PRKG1: variants seen among roughly 807,000 people sequenced by gnomAD.
The protein encoded by PRKG1 is cGMP-dependent protein kinase 1.
A neutral mutation model predicts 88.1 loss-of-function variants in PRKG1; 35 were observed. The ratio of observed to expected loss-of-function variants is 0.40; its 90% CI spans 0.30 to 0.53. PRKG1 has a LOEUF of 0.53. PRKG1 is among the 20% of genes least tolerant of loss of function. The probability of loss-of-function intolerance (pLI) is 0.59; values close to 1 mark genes in which losing one functional copy is unlikely to be tolerated. For missense variants in PRKG1, 540 were observed against 839.8 expected (o/e 0.64, Z 4.41); for synonymous variants, 303 against 292.5 (o/e 1.04, Z -0.37).
intron 7 of PRKG1, among the ~76,000 whole-genome samples, chr10:52,122,032 G>A (rs1057439231): frequency 7.9e-5 from 12 of 152,128 alleles, no homozygotes; most frequent in African/African-American, 2.7e-4. Context: ...CAGAATACCC[G>A]AAGTTGGGGA....
intron 14 of PRKG1, among the ~76,000 whole-genome samples, chr10:52,283,915 T>C (rs1040038340): frequency 2.0e-5 from 3 of 152,150 alleles, no homozygotes; most frequent in South Asian, 4.1e-4. Context: ...TATTCACCTA[T>C]AATAACTAGA....
At position 50,991,327 on chromosome 10, in the gene PRKG1, C is replaced by CTG. The variant is rs1842779219; in HGVS notation, c.-52_-51insTG. The CTG allele has an allele frequency of 2.0e-6, 3 of 1,488,154 alleles. No homozygotes were observed. The highest frequency in any genetic ancestry group is 2.8e-5 in the East Asian group (1 of 35,722). The allele number at this position is 1,488,154 out of a possible 1,614,324, so 92.2% of individuals were successfully genotyped here. ...GCCGTCCCAGCCGCCGCCGCCGCCG[C>CTG]CGCCGCCGCCGCCGCCCGAGAAAAA... On this transcript the variant is annotated 5_prime_UTR_variant, in exon 1 of 18. Transcript: ENST00000401604. This position sits in a 1 kb window ranked among gnomAD's most constrained non-coding sequence, Gnocchi z 4.5.
In PRKG1 at chr10:51,574,823, CACCTGGGGGGA is replaced by C. The variant is rs1837843781; in HGVS notation, c.592+106990_592+107000del. ...GAAGCACATTTTATATACATGAGAT[CACCTGGGGGGA>C]ACTAGGTTGAGAATTAAAGTGCCTC... On this transcript the variant is annotated intron_variant, in intron 3 of 17. Transcript: ENST00000373980. 3.9e-5 allele frequency among the ~76,000 whole-genome samples: 6 copies of C among 151,992 alleles called. No individual in the cohort carries two copies. The South Asian group carries it at 8.3e-4, about 21-fold the overall frequency.
rs565276464 is a variant in PRKG1, at chr10:51,873,583, A to G, written c.699-33924A>G. ...TGCTCTGTCGCCCAGGCTAGAGTGC[A>G]GTGTCATGATCTCAGCTCACTGCAA... On this transcript the variant is annotated intron_variant, in intron 4 of 17. Coordinates refer to ENST00000373980, the MANE Select transcript of PRKG1 (RefSeq NM_006258.4). 2.1e-3 allele frequency among the ~76,000 whole-genome samples: 306 copies of G among 146,374 alleles called. 2 individuals are homozygous for G. The highest frequency in any genetic ancestry group is 7.5e-3 in the African/African-American group (294 of 39,170).
intron 4 of PRKG1, among the ~76,000 whole-genome samples, chr10:51,880,951 T>G (rs1169412480): frequency 6.6e-6 from 1 of 151,576 alleles, no homozygotes; most frequent in Admixed American, 6.6e-5. Flanking sequence ...GTAATTATAA[T>G]TATAGAAAGT....
At chr10:51,620,517 T>C (rs566128958) in intron 3 of PRKG1, among the ~76,000 whole-genome samples, 1 of 152,170 alleles carries the variant, frequency 6.6e-6, no homozygotes, top group East Asian at 1.9e-4. Context: ...CTCTCCTACT[T>C]TGAGCCATTT....
At chr10:51,945,241 G>T (rs1842998893) in intron 5 of PRKG1, among the ~76,000 whole-genome samples, 1 of 147,956 alleles carries the variant, frequency 6.8e-6, no homozygotes, top group Admixed American at 6.7e-5. Flanking sequence ...ATCTTTGTTG[G>T]TTTAAAGTGT....
chr10:52,112,460 TGAG>T (rs1356099657), intron 7 of PRKG1, among the ~76,000 whole-genome samples: 1 of 152,174 alleles, frequency 6.6e-6, no homozygotes, highest in Non-Finnish European at 1.5e-5. Flanking sequence ...AGATGGGTAA[TGAG>T]GTATTTCATG....
chr10:51,222,977 A>T (rs1347661214), intron 2 of PRKG1, among the ~76,000 whole-genome samples: 1 of 151,142 alleles, frequency 6.6e-6, no homozygotes, highest in African/African-American at 2.5e-5. Context: ...TAACATATCC[A>T]TCACTGTAAT....
intron 3 of PRKG1, among the ~76,000 whole-genome samples, chr10:51,725,690 G>C (rs1842114924): frequency 6.6e-6 from 1 of 151,228 alleles, no homozygotes; most frequent in Non-Finnish European, 1.5e-5. Context: ...CTAGAGTACA[G>C]TGGCATGCTC....
intron 3 of PRKG1, among the ~76,000 whole-genome samples, chr10:51,634,333 G>A (rs1839601173): frequency 6.6e-6 from 1 of 152,142 alleles, no homozygotes; most frequent in Admixed American, 6.5e-5. Flanking sequence ...GATGGTGATT[G>A]ATTGGGTATA....
At chr10:51,088,808 A>ATT (rs200475991) in intron 1 of PRKG1, among the ~76,000 whole-genome samples, 2,754 of 136,974 alleles carry the variant, frequency 0.02, 38 homozygotes, top group African/African-American at 0.033. Flanking sequence ...ATTTAATATG[A>ATT]TTTTTTTTTT....
At chr10:51,694,609 A>G (rs1224012745) in intron 3 of PRKG1, among the ~76,000 whole-genome samples, 1 of 152,212 alleles carries the variant, frequency 6.6e-6, no homozygotes. Flanking sequence ...ATCCCAAAAA[A>G]CATGTACTGC....
intron 3 of PRKG1, among the ~76,000 whole-genome samples, chr10:51,566,320 A>G (rs1324660561): frequency 1.3e-5 from 2 of 152,086 alleles, no homozygotes; most frequent in South Asian, 2.1e-4. Context: ...TGCAAGTTAA[A>G]TGGGCCTGCA....
intron 5 of PRKG1, among the ~76,000 whole-genome samples, chr10:52,022,390 T>G (rs1845209375): frequency 6.6e-6 from 1 of 152,212 alleles, no homozygotes; most frequent in Non-Finnish European, 1.5e-5. Flanking sequence ...GAAAAATGTT[T>G]CAAATATTTA....
intron 3 of PRKG1, among the ~76,000 whole-genome samples, chr10:51,660,678 G>T (rs1840276413): frequency 6.6e-6 from 1 of 151,982 alleles, no homozygotes; most frequent in African/African-American, 2.4e-5. Flanking sequence ...ATTTATTATT[G>T]AAAAAGTTTT....
chr10:52,011,199 T>C (rs1305478432), intron 5 of PRKG1, among the ~76,000 whole-genome samples: 3 of 152,206 alleles, frequency 2.0e-5, no homozygotes, highest in Non-Finnish European at 2.9e-5. Flanking sequence ...CTTTTTTCCC[T>C]TTAAGTTTCT....
intron 5 of PRKG1, among the ~76,000 whole-genome samples, chr10:51,977,873 A>G (rs1843887526): frequency 6.6e-6 from 1 of 151,904 alleles, no homozygotes; most frequent in South Asian, 2.1e-4. Context: ...GATATCAGAC[A>G]TTTATCAGAT....
chr10:51,161,893 ATGG>A (rs1846373234), intron 2 of PRKG1, among the ~76,000 whole-genome samples: 1 of 152,212 alleles, frequency 6.6e-6, no homozygotes, highest in African/African-American at 2.4e-5. Flanking sequence ...TTTTTTGGCA[ATGG>A]TGTAATAACA....
Sources: allele counts gnomAD v4.1 joint callset (sites outside exome capture counted in the v4.1 genomes callset), GRCh38; gene constraint gnomAD v4.1.1; non-coding constraint Gnocchi (gnomAD v3.1); transcripts MANE v1.5; gene names NCBI Gene and HGNC (gene_info 2026-07-23, HGNC 2026-07-21).